Variants in PCDH9 observed in about 807,000 individuals in gnomAD.
PCDH9 encodes protocadherin 9, also known as protocadherin-9.
Under a neutral mutation model 70.6 loss-of-function variants are expected in PCDH9, and 24 were observed. That is an observed-to-expected ratio of 0.34 (90% CI 0.25 to 0.48). The LOEUF (loss-of-function observed/expected upper bound fraction) is 0.48, where lower values mean the gene tolerates loss of function less well. PCDH9 is among the 20% of genes least tolerant of loss of function. The pLI is 0.99. For missense variants in PCDH9, 1,281 were observed against 1,503.6 expected (o/e 0.85, Z 2.45); for synonymous variants, 562 against 558.5 (o/e 1.01, Z -0.09).
chr13:66,324,674 A>T (rs1955811662), intron 4 of PCDH9, among the ~76,000 whole-genome samples: 1 of 152,094 alleles, frequency 6.6e-6, no homozygotes, highest in Non-Finnish European at 1.5e-5. Context: ...GCACTGTGAG[A>T]GTGGCACAGA....
intron 4 of PCDH9, among the ~76,000 whole-genome samples, chr13:66,536,970 T>A (rs1017043158): frequency 1.3e-5 from 2 of 152,158 alleles, no homozygotes; most frequent in Non-Finnish European, 2.9e-5. Flanking sequence ...AAAAATTCTT[T>A]GAAATCCCTT....
chr13:67,012,356 T>TA (rs1277831804), intron 2 of PCDH9, among the ~76,000 whole-genome samples: 1 of 151,840 alleles, frequency 6.6e-6, no homozygotes, highest in African/African-American at 2.4e-5. Context: ...AAAGTAAGAG[T>TA]AAACCTGGCC....
At chr13:66,823,631 TGTATGG>T (rs1307412517) in intron 3 of PCDH9, among the ~76,000 whole-genome samples, 1 of 152,082 alleles carries the variant, frequency 6.6e-6, no homozygotes, top group Non-Finnish European at 1.5e-5. Flanking sequence ...TGAATGATAA[TGTATGG>T]GTTTTTCAGG....
chr13:66,958,722 T>C (rs1255062623), intron 2 of PCDH9, among the ~76,000 whole-genome samples: 1 of 152,130 alleles, frequency 6.6e-6, no homozygotes, highest in Non-Finnish European at 1.5e-5. Flanking sequence ...AGCATTTCTA[T>C]ATTAGGCACA....
chr13:66,845,802 T>A (rs1407532971), intron 3 of PCDH9, among the ~76,000 whole-genome samples: 1 of 152,182 alleles, frequency 6.6e-6, no homozygotes, highest in Non-Finnish European at 1.5e-5. Flanking sequence ...AATGTTAAGT[T>A]CTCAAACTCA....
Position 67,226,251 on chromosome 13 carries a change from T to G in PCDH9, c.2190A>C (p.Pro730=). The G allele has an allele frequency of 6.2e-7, 1 of 1,614,222 alleles. No individual in the cohort carries two copies. The highest frequency in any genetic ancestry group is 8.5e-7 in the Non-Finnish European group (1 of 1,180,028). ...CTTCCAGAGTAATGTTACCTGTTAC[T>G]GGATCAATCCGGAATAAGCCTTTAT... is the stretch of plus-strand genomic sequence containing the variant. ...GNNKGLFRID[P]VTGNITLEEK... Residue 730 remains proline (P), a synonymous_variant, in exon 2 of 5, where the codon CCA becomes CCC. Transcript: ENST00000377865. The surrounding 1 kb of genome is among the most constrained non-coding windows in gnomAD (Gnocchi z 5.0).
At chr13:66,802,740 T>C (rs989058616) in intron 3 of PCDH9, among the ~76,000 whole-genome samples, 2 of 152,138 alleles carry the variant, frequency 1.3e-5, no homozygotes, top group South Asian at 2.1e-4. Context: ...GCAGAACAAC[T>C]GAGAATAACA....
chr13:66,537,760 T>C (rs1960770031), intron 4 of PCDH9, among the ~76,000 whole-genome samples: 1 of 152,116 alleles, frequency 6.6e-6, no homozygotes, highest in South Asian at 2.1e-4. Context: ...TCAGGACACA[T>C]TTGATCACTG....
intron 3 of PCDH9, among the ~76,000 whole-genome samples, chr13:66,844,238 A>C (rs1203126841): frequency 1.3e-5 from 2 of 152,128 alleles, no homozygotes; most frequent in African/African-American, 4.8e-5. Flanking sequence ...CAGTGGATAA[A>C]ATTTCAGAGA....
In PCDH9 at chr13:67,138,726, CTTTG is replaced by C. The variant is rs759719369; in HGVS notation, c.3036+86675_3036+86678del. ...TTTTTAGTAAATCCCTTTGTCCTTG[CTTTG>C]TTTGTGCATTTTGTCCAATTCTTTG... On this transcript the variant is annotated intron_variant, in intron 2 of 4. Transcript: ENST00000377865. 3.7e-4 allele frequency among the ~76,000 whole-genome samples: 56 copies of C among 152,260 alleles called. 2 individuals are homozygous for C. Among genetic ancestry groups the C allele is most frequent in the Admixed American group, 1.3e-3 (20 of 15,260 alleles).
intron 3 of PCDH9, 28 bp from the exon 4 acceptor site, chr13:66,631,439 A>G (rs2077570400): frequency 7.7e-7 from 1 of 1,294,346 alleles, no homozygotes; most frequent in African/African-American, 1.5e-5. Flanking sequence ...GGACATGCTG[A>G]TTAACACTCC....
chr13:66,507,762 C>T (rs1339657153), intron 4 of PCDH9, among the ~76,000 whole-genome samples: 1 of 151,966 alleles, frequency 6.6e-6, no homozygotes, highest in Admixed American at 6.6e-5. Context: ...TGCTCTGGCG[C>T]CCAGGCTGGA....
At chr13:66,758,104 A>G (rs2079565133) in intron 3 of PCDH9, among the ~76,000 whole-genome samples, 1 of 152,116 alleles carries the variant, frequency 6.6e-6, no homozygotes, top group Non-Finnish European at 1.5e-5. Context: ...AAAATTGTAT[A>G]TATTTATTAT....
intron 3 of PCDH9, among the ~76,000 whole-genome samples, chr13:66,845,491 AG>A (rs1484173185): frequency 5.9e-5 from 9 of 152,178 alleles, no homozygotes; most frequent in African/African-American, 2.2e-4. Context: ...TGGGTCCCCA[AG>A]AGTGAAGAGA....
At chr13:67,082,003 T>C (rs910672611) in intron 2 of PCDH9, among the ~76,000 whole-genome samples, 1 of 152,192 alleles carries the variant, frequency 6.6e-6, no homozygotes, top group Non-Finnish European at 1.5e-5. Context: ...TGTACACTTG[T>C]AAAACCATCA....
chr13:66,554,275 T>C (rs1402357826), intron 4 of PCDH9, among the ~76,000 whole-genome samples: 1 of 152,180 alleles, frequency 6.6e-6, no homozygotes, highest in Non-Finnish European at 1.5e-5. Flanking sequence ...TCATTAAATA[T>C]ACAGCCATTG....
intron 2 of PCDH9, among the ~76,000 whole-genome samples, chr13:66,929,731 T>TTTAAAA (rs2082776345): frequency 6.6e-6 from 1 of 152,232 alleles, no homozygotes. Context: ...AATGCATCTG[T>TTTAAAA]TACTGCATTG....
intron 4 of PCDH9, among the ~76,000 whole-genome samples, chr13:66,422,815 C>T (rs889821998): frequency 2.6e-5 from 4 of 152,020 alleles, no homozygotes; most frequent in South Asian, 4.2e-4. Context: ...CAGAGCAGAA[C>T]TGAAGGAAAC....
At chr13:66,864,037 T>G (rs936528178) in intron 3 of PCDH9, among the ~76,000 whole-genome samples, 3 of 152,038 alleles carry the variant, frequency 2.0e-5, no homozygotes, top group African/African-American at 7.2e-5. Context: ...GAAAAGCCCC[T>G]TATAAAACCA....
Sources: allele counts gnomAD v4.1 joint callset (sites outside exome capture counted in the v4.1 genomes callset), GRCh38; gene constraint gnomAD v4.1.1; non-coding constraint Gnocchi (gnomAD v3.1); transcripts MANE v1.5; gene names NCBI Gene and HGNC (gene_info 2026-07-23, HGNC 2026-07-21).